PLPP4: variants seen among roughly 807,000 people sequenced by gnomAD.
PLPP4 encodes the protein diacylglycerol pyrophosphate like 2.
A neutral mutation model predicts 32.2 loss-of-function variants in PLPP4; 20 were observed. That is an observed-to-expected ratio of 0.62 (90% confidence interval 0.44 to 0.90). The LOEUF is 0.90. Among genes scored for constraint, PLPP4 ranks in the 40% least tolerant of loss-of-function variants. PLPP4 has a pLI of 0.00. For synonymous variants in PLPP4, 127 were observed against 133.0 expected (o/e 0.95, Z 0.31); for missense variants, 257 against 353.1 (o/e 0.73, Z 2.18).
chr10:120,584,905 G>A lies in PLPP4; in HGVS notation c.617-4398G>A, dbSNP rs1295499087. 2.0e-5 allele frequency among the ~76,000 whole-genome samples: 3 copies of A among 152,154 alleles called. No homozygotes were observed. The East Asian group carries it at 5.8e-4, about 29-fold the overall frequency. Reference sequence around the variant, plus strand: ...TTCCATTAAATGGGAAACAGAATTGGCAGGAATTGTCATTTCCATGCATGC... The same window carrying A: ...TTCCATTAAATGGGAAACAGAATTGACAGGAATTGTCATTTCCATGCATGC... On this transcript the variant is annotated intron_variant, in intron 6 of 6. Transcript: ENST00000398250.
chr10:120,575,713 T>C (rs1189194531), intron 6 of PLPP4, among the ~76,000 whole-genome samples: 2 of 152,178 alleles, frequency 1.3e-5, no homozygotes, highest in Non-Finnish European at 2.9e-5. Context: ...CCATGGATGC[T>C]CTTCCGAAAG....
chr10:120,497,183 A>C (rs1263695137), intron 1 of PLPP4, among the ~76,000 whole-genome samples: 1 of 152,132 alleles, frequency 6.6e-6, no homozygotes, highest in Non-Finnish European at 1.5e-5. Flanking sequence ...GTGATTTAGC[A>C]GTGAAAGAGC....
chr10:120,571,726 A>G (rs1039049184), intron 5 of PLPP4, among the ~76,000 whole-genome samples: 6 of 152,106 alleles, frequency 3.9e-5, no homozygotes, highest in Non-Finnish European at 8.8e-5. Context: ...AAAATTATGA[A>G]ATCATACTAA....
rs141098930 is a variant in PLPP4, at chr10:120,569,100, G to T, written c.446-6031G>T. Among the ~76,000 whole-genome samples, 168 of 152,178 alleles carry T rather than the reference G, an allele frequency of 1.1e-3. 1 individual carries two copies. The highest frequency in any genetic ancestry group is 3.2e-3 in the African/African-American group (134 of 41,508). On this transcript the variant is annotated intron_variant, in intron 5 of 6. Coordinates refer to ENST00000398250, the MANE Select transcript of PLPP4 (RefSeq NM_001030059.3). ...CCAAAAATACAAAAACTAGCTGGGC[G>T]TGGTGATGGGCACCTGCAATCCCAG...
intron 5 of PLPP4, among the ~76,000 whole-genome samples, chr10:120,534,093 C>G (rs770396840): frequency 6.6e-6 from 1 of 152,088 alleles, no homozygotes; most frequent in Non-Finnish European, 1.5e-5. Context: ...AAATTACTAT[C>G]TGGGATCACT....
rs575290650 is a variant in PLPP4, at chr10:120,479,949, A to G, written c.56+22588A>G. Among the ~76,000 whole-genome samples the G allele has an allele frequency of 3.9e-4, 59 of 152,338 alleles. 1 individual carries two copies. Among genetic ancestry groups the G allele is most frequent in the Non-Finnish European group, 6.6e-4 (45 of 68,038 alleles). Reference sequence around the variant, plus strand: ...CTATTATTGAAAGGCTATGGATGGTATGCTCTCTAAAGCAAGTTAGTTTCT... The same window carrying G: ...CTATTATTGAAAGGCTATGGATGGTGTGCTCTCTAAAGCAAGTTAGTTTCT... On this transcript the variant is annotated intron_variant, in intron 1 of 6. Coordinates refer to ENST00000398250, the MANE Select transcript of PLPP4 (RefSeq NM_001030059.3).
intron 1 of PLPP4, among the ~76,000 whole-genome samples, chr10:120,463,288 AG>A (rs1441158032): frequency 6.6e-6 from 1 of 152,126 alleles, no homozygotes; most frequent in Non-Finnish European, 1.5e-5. Context: ...GGCCTCCCAA[AG>A]TGCTGGGATT....
intron 6 of PLPP4, among the ~76,000 whole-genome samples, chr10:120,579,666 A>T (rs1399829568): frequency 6.6e-6 from 1 of 152,184 alleles, no homozygotes. Context: ...TACAACTCAC[A>T]GGACTCTCTT....
chr10:120,491,450 C>T (rs1844718358), intron 1 of PLPP4, among the ~76,000 whole-genome samples: 1 of 152,188 alleles, frequency 6.6e-6, no homozygotes. Context: ...GACCCAACCT[C>T]TTTCCAGTTC....
chr10:120,488,309 ATGAG>A (rs1278477893), intron 1 of PLPP4, among the ~76,000 whole-genome samples: 2 of 152,208 alleles, frequency 1.3e-5, no homozygotes, highest in Admixed American at 6.5e-5. Context: ...TGCTGAATGA[ATGAG>A]TGAGTGAATG....
intron 1 of PLPP4, among the ~76,000 whole-genome samples, chr10:120,481,467 G>T (rs1307003278): frequency 6.6e-6 from 1 of 152,172 alleles, no homozygotes; most frequent in Non-Finnish European, 1.5e-5. Context: ...TCCATTCACT[G>T]CAAATGTTGA....
chr10:120,552,705 A>G (rs1226924129), intron 5 of PLPP4, among the ~76,000 whole-genome samples: 3 of 152,168 alleles, frequency 2.0e-5, no homozygotes, highest in African/African-American at 7.2e-5. Context: ...ACTGAACTTT[A>G]CTGAATCTAT....
intron 5 of PLPP4, among the ~76,000 whole-genome samples, chr10:120,556,078 A>G (rs373206998): frequency 1.3e-5 from 2 of 152,294 alleles, no homozygotes; most frequent in African/African-American, 4.8e-5. Context: ...ATTGCCAGAG[A>G]CCTGTATCAA....
chr10:120,579,233 T>C (rs575519651), intron 6 of PLPP4, among the ~76,000 whole-genome samples: 1 of 152,278 alleles, frequency 6.6e-6, no homozygotes, highest in South Asian at 2.1e-4. Context: ...TCATAGGTCA[T>C]TTTAAGCAGC....
chr10:120,558,611 G>A (rs1848273304), intron 5 of PLPP4, among the ~76,000 whole-genome samples: 1 of 151,946 alleles, frequency 6.6e-6, no homozygotes, highest in Non-Finnish European at 1.5e-5. Flanking sequence ...AGACGAGGTT[G>A]CACCATGTTG....
chr10:120,549,949 T>C (rs1458503193), intron 5 of PLPP4, among the ~76,000 whole-genome samples: 2 of 152,004 alleles, frequency 1.3e-5, no homozygotes, highest in African/African-American at 2.4e-5. Flanking sequence ...TGTCTATTTC[T>C]ACTGTTTCTA....
intron 2 of PLPP4, among the ~76,000 whole-genome samples, chr10:120,504,876 C>A (rs565257034): frequency 6.6e-6 from 1 of 152,364 alleles, no homozygotes; most frequent in Admixed American, 6.5e-5. Context: ...TAAGACTACC[C>A]TGTGCTTCAA....
In PLPP4 at chr10:120,492,684, A is replaced by G. The variant is rs12360167; in HGVS notation, c.57-11134A>G. Among the ~76,000 whole-genome samples the G allele has an allele frequency of 3.8e-3, 574 of 152,320 alleles. 2 individuals are homozygous for G. The highest frequency in any genetic ancestry group is 5.9e-3 in the Non-Finnish European group (404 of 68,028). On this transcript the variant is annotated intron_variant, in intron 1 of 6. Transcript: ENST00000398250. The stretch of plus-strand genomic sequence containing the variant: ...GGCAGGATGCAGGGGTTTCAACTCC[A>G]CAGCTCTGGCTGCCAGCCCTTGTAC...
At chr10:120,519,248 C>T (rs1414531914) in intron 4 of PLPP4, among the ~76,000 whole-genome samples, 2 of 152,136 alleles carry the variant, frequency 1.3e-5, no homozygotes, top group Non-Finnish European at 2.9e-5. Flanking sequence ...CTGTCATTCT[C>T]TTCAGGATGA....
Sources: gnomAD v4.1 joint callset for allele counts (sites outside exome capture counted in the v4.1 genomes callset) on GRCh38, gnomAD v4.1.1 for gene constraint, MANE v1.5 for transcripts, NCBI Gene and HGNC (gene_info 2026-07-23, HGNC 2026-07-21) for gene names.